The following NOX4 variants were observed in gnomAD, a reference collection of about 807,000 sequenced individuals.
NOX4 encodes the protein kidney oxidase-1.
In NOX4, 69 loss-of-function variants were observed where a neutral mutation model predicts 87.6. That is an observed-to-expected ratio of 0.79 (90% CI 0.65 to 0.96). The LOEUF (loss-of-function observed/expected upper bound fraction) is 0.96, where lower values mean the gene tolerates loss of function less well. Ranked by LOEUF, NOX4 falls within the 40% of genes least tolerant of loss-of-function variation. The pLI is 0.00. For synonymous variants in NOX4, 275 were observed against 238.2 expected (o/e 1.15, Z -1.42); for missense variants, 680 against 681.5 (o/e 1.00, Z 0.02).
chr11:89,440,830 A>G (rs370768603), intron 5 of NOX4, 115 bp from the exon 6 acceptor site: 5 of 521,596 alleles, frequency 9.6e-6, no homozygotes, highest in Middle Eastern at 5.2e-4. Context: ...AATACTGTTC[A>G]TCCAACGGAA....
chr11:89,444,997 A>G (rs1234613308), intron 4 of NOX4, among the ~76,000 whole-genome samples: 1 of 152,126 alleles, frequency 6.6e-6, no homozygotes, highest in Admixed American at 6.6e-5. Flanking sequence ...GGCCCATCAC[A>G]CCTTCCCCCT....
intron 13 of NOX4, among the ~76,000 whole-genome samples, chr11:89,349,753 T>G (rs1326137423): frequency 6.6e-6 from 1 of 152,188 alleles, no homozygotes; most frequent in East Asian, 1.9e-4. Context: ...TTTCACAATA[T>G]TTTTACCTAC....
At chr11:89,543,181 C>T in the NOX4 span, among the ~76,000 whole-genome samples, 36 of 152,234 alleles carry the variant, frequency 2.4e-4, no homozygotes, top group African/African-American at 8.7e-4. Flanking sequence ...CAAAACTTCA[C>T]TTGTACTGCC....
intron 2 of NOX4, among the ~76,000 whole-genome samples, chr11:89,456,954 C>T (rs1945230333): frequency 6.6e-6 from 1 of 152,220 alleles, no homozygotes; most frequent in Non-Finnish European, 1.5e-5. Context: ...CCTCTGTCTG[C>T]TGGCCTCTCC....
the NOX4 span, among the ~76,000 whole-genome samples, chr11:89,505,044 T>C: frequency 6.6e-6 from 1 of 152,002 alleles, no homozygotes; most frequent in African/African-American, 2.4e-5. Context: ...AAGCTAAGTG[T>C]AGGAATTTCT....
chr11:89,525,699 T>G, the NOX4 span, among the ~76,000 whole-genome samples: 1 of 152,054 alleles, frequency 6.6e-6, no homozygotes, highest in Non-Finnish European at 1.5e-5. Context: ...TGATGTCCAT[T>G]GTAGAGCCAA....
At chr11:89,495,786 C>A (rs554649406), upstream of NOX4, among the ~76,000 whole-genome samples, 65 of 152,068 alleles carry the variant, frequency 4.3e-4, no homozygotes, top group Non-Finnish European at 7.4e-4. Context: ...AGGAAACATG[C>A]CTGATAGAAT....
At chr11:89,415,572 A>T (rs1942720671) in intron 8 of NOX4, among the ~76,000 whole-genome samples, 1 of 152,140 alleles carries the variant, frequency 6.6e-6, no homozygotes, top group South Asian at 2.1e-4. Flanking sequence ...AAAAATATAC[A>T]TATGTGTCTC....
intron 8 of NOX4, among the ~76,000 whole-genome samples, chr11:89,404,165 T>G (rs1308865014): frequency 1.3e-5 from 2 of 152,164 alleles, no homozygotes; most frequent in African/African-American, 4.8e-5. Context: ...AGTCACCCAA[T>G]ACAATTGCTG....
intron 13 of NOX4, among the ~76,000 whole-genome samples, chr11:89,346,177 AC>A (rs1042059086): frequency 7.9e-5 from 12 of 152,194 alleles, no homozygotes; most frequent in African/African-American, 2.9e-4. Flanking sequence ...AAGCCCACTT[AC>A]AATAATTTGT....
At chr11:89,449,368 G>T in intron 4 of NOX4, 72 bp downstream of exon 4, 1 of 1,139,410 alleles carries the variant, frequency 8.8e-7, no homozygotes, top group Non-Finnish European at 1.3e-6. Flanking sequence ...TGATCATTCT[G>T]TGTATGTCTG....
chr11:89,377,036 C>T (rs545207739), intron 11 of NOX4, among the ~76,000 whole-genome samples: 23 of 152,046 alleles, frequency 1.5e-4, no homozygotes, highest in South Asian at 4.2e-4. Flanking sequence ...CCAGCCTGGG[C>T]GACACAGTGA....
chr11:89,574,239 G>C, the NOX4 span, among the ~76,000 whole-genome samples: 1 of 152,268 alleles, frequency 6.6e-6, no homozygotes, highest in South Asian at 2.1e-4. Context: ...AACAGACCTA[G>C]AGTACGCTTG....
chr11:89,404,412 C>T (rs1281432371), intron 8 of NOX4, among the ~76,000 whole-genome samples: 1 of 152,078 alleles, frequency 6.6e-6, no homozygotes, highest in African/African-American at 2.4e-5. Flanking sequence ...TCCTAACACT[C>T]CAGAAACTCA....
chr11:89,479,730 C>T (rs761546144), intron 2 of NOX4, among the ~76,000 whole-genome samples: 3 of 152,116 alleles, frequency 2.0e-5, no homozygotes, highest in Non-Finnish European at 2.9e-5. Context: ...GAGCAAAGTC[C>T]TTCTTTTCCT....
At chr11:89,477,820 C>A (rs999227335) in intron 2 of NOX4, among the ~76,000 whole-genome samples, 7 of 152,004 alleles carry the variant, frequency 4.6e-5, no homozygotes, top group African/African-American at 1.7e-4. Flanking sequence ...AATGTGGAAA[C>A]CACAGCCAAT....
At chr11:89,492,218 C>G (rs940666248), upstream of NOX4, 2 of 151,974 alleles carry the variant, frequency 1.3e-5, no homozygotes, top group African/African-American at 4.8e-5. Flanking sequence ...ACCTATTCGA[C>G]ACTGCAACAA....
At chr11:89,518,413 C>T in the NOX4 span, among the ~76,000 whole-genome samples, 1 of 151,304 alleles carries the variant, frequency 6.6e-6, no homozygotes, top group African/African-American at 2.4e-5. Context: ...TAAAAAAAAA[C>T]AATAAAATCA....
chr11:89,360,205 G>A (rs1938412401), intron 12 of NOX4, among the ~76,000 whole-genome samples: 1 of 152,008 alleles, frequency 6.6e-6, no homozygotes, highest in Non-Finnish European at 1.5e-5. Context: ...ACTTCTTAAT[G>A]CAGGAAATAT....
Sources: allele counts gnomAD v4.1 joint callset (sites outside exome capture counted in the v4.1 genomes callset), GRCh38; gene constraint gnomAD v4.1.1; transcripts MANE v1.5; gene names NCBI Gene and HGNC (gene_info 2026-07-23, HGNC 2026-07-21).